The following NAXE variants were observed in gnomAD, a reference collection of about 807,000 sequenced individuals.
NAXE encodes NAD(P)H-hydrate epimerase.
Under a neutral mutation model 31.2 loss-of-function variants are expected in NAXE, and 25 were observed. The ratio of observed to expected loss-of-function variants is 0.80; its 90% CI spans 0.58 to 1.12. NAXE has a LOEUF of 1.12. Among genes scored for constraint, NAXE ranks in the 50% most tolerant of loss-of-function variants. NAXE has a pLI of 0.00. For synonymous variants in NAXE, 144 were observed against 154.5 expected, an observed-to-expected ratio of 0.93 and a Z score of 0.50; for missense variants, 362 against 376.1, an observed-to-expected ratio of 0.96 and a Z score of 0.31.
chr1:156,593,299 C>T (rs1677393759), intron 4 of NAXE, 109 bp from the exon 5 acceptor site: 1 of 1,413,562 alleles, frequency 7.1e-7, no homozygotes, highest in Non-Finnish European at 9.5e-7. Flanking sequence ...GAATGAGACA[C>T]AATACTTGTG....
rs753090512 is a variant in NAXE, at chr1:156,591,811, A to G, written c.7A>G (p.Arg3Gly). The change falls in exon 1 of 6, where the codon AGG (arginine) becomes GGG (glycine). Residue 3 changes from arginine (R) to glycine (G), a missense_variant. Transcript: ENST00000368235. MS[R>G]LRALLGLGLL... ...CGCGCGCTCTGCGAGCTGGATGTCC[A>G]GGCTGCGGGCGCTGCTGGGCCTCGG... 6.3e-7 allele frequency: 1 copy of G among 1,593,412 alleles called. No homozygotes were observed. The highest frequency in any genetic ancestry group is 1.1e-5 in the South Asian group (1 of 90,198).
At position 156,594,055 on chromosome 1, in the gene NAXE, G is replaced by C; in HGVS notation, c.838G>C (p.Asp280His). 1 of 1,614,112 alleles carries C rather than the reference G, an allele frequency of 6.2e-7. No homozygotes were observed. The highest frequency in any genetic ancestry group is 8.5e-7 in the Non-Finnish European group (1 of 1,179,982). The change falls in exon 6 of 6, where the codon GAC (aspartate) becomes CAC (histidine). Residue 280 changes from aspartate (D) to histidine (H), a missense_variant. Transcript: ENST00000368235. ...CCAGCTGAACCTGCCACCCTACCCTGACACCGAGTGTGTCTATCGTCTGCA... is the reference window on the plus strand; with the variant it reads ...CCAGCTGAACCTGCCACCCTACCCTCACACCGAGTGTGTCTATCGTCTGCA... Reference protein sequence around the residue: ...KYQLNLPPYPDTECVYRLQ With the variant: ...KYQLNLPPYPHTECVYRLQ
Position 156,593,954 on chromosome 1 carries a change from A to C in NAXE, c.737A>C (p.Lys246Thr). The change falls in exon 6 of 6, where the codon AAA becomes ACA. Residue 246 changes from lysine (K) to threonine (T), a missense_variant. Physicochemically the swap from Lys to Thr is moderately conservative, Grantham distance 78 (BLOSUM62 -1). Coordinates refer to ENST00000368235, the MANE Select transcript of NAXE (RefSeq NM_144772.3). ...CTCATATCCCTCACAGCCCCCAAAA[A>C]ATCTGCAACCCAGTTTACCGGTCGC... ...DLLISLTAPK[K>T]SATQFTGRYH... 2 of 1,614,118 alleles carry C rather than the reference A, an allele frequency of 1.2e-6. No homozygotes were observed. The highest frequency in any genetic ancestry group is 1.7e-6 in the Non-Finnish European group (2 of 1,180,020).
In NAXE at chr1:156,593,908, G is replaced by A. The variant is rs770170237; in HGVS notation, c.691G>A (p.Gly231Arg). The A allele has an allele frequency of 6.2e-7, 1 of 1,614,138 alleles. No individual in the cohort carries two copies. Among genetic ancestry groups the A allele is most frequent in the East Asian group, 2.2e-5 (1 of 44,884 alleles). Residue 231 changes from glycine (G) to arginine (R), a missense_variant, in exon 6 of 6, where the codon GGA (glycine) becomes AGA (arginine). By Grantham distance (125) the Gly-to-Arg change is moderately radical. Transcript: ENST00000368235. The stretch of plus-strand genomic sequence containing the variant: ...ATGGGACGTGGAGAAGGGAAATGCT[G>A]GAGGGATCCAGCCAGACTTGCTCAT... ...SGWDVEKGNA[G>R]GIQPDLLISL...
In NAXE at chr1:156,591,815, T is replaced by C. The variant is rs1323726125; in HGVS notation, c.11T>C (p.Leu4Pro). 1 of 1,598,464 alleles carries C rather than the reference T, an allele frequency of 6.3e-7. No individual in the cohort carries two copies. Among genetic ancestry groups the C allele is most frequent in the African/African-American group, 1.3e-5 (1 of 74,100 alleles). ...CGCTCTGCGAGCTGGATGTCCAGGC[T>C]GCGGGCGCTGCTGGGCCTCGGGCTG... Reference protein sequence around the residue: MSRLRALLGLGLLV... With the variant: MSRPRALLGLGLLV... Residue 4 changes from leucine (L) to proline (P), a missense_variant, in exon 1 of 6, where the codon CTG becomes CCG. Transcript: ENST00000368235.
At chr1:156,592,295 G>A in intron 2 of NAXE, 70 bp from the exon 3 acceptor site, 1 of 1,602,280 alleles carries the variant, frequency 6.2e-7, no homozygotes, top group Non-Finnish European at 8.5e-7. Context: ...AGGGGTGGGA[G>A]AGACAGCTGG....
In NAXE at chr1:156,592,134, A is replaced by T. The variant is rs753746153; in HGVS notation, c.216A>T (p.Leu72=). 1.2e-6 allele frequency: 2 copies of T among 1,614,090 alleles called. No homozygotes were observed. Among genetic ancestry groups the T allele is most frequent in the Non-Finnish European group, 1.7e-6 (2 of 1,180,036 alleles). ...AGGCCCAGGCCGTGGACCAGGAGCTATTTAACGAATACCAGTTCAGCGTGG... is the reference window on the plus strand; with the variant it reads ...AGGCCCAGGCCGTGGACCAGGAGCTTTTTAACGAATACCAGTTCAGCGTGG... ...QEEAQAVDQE[L]FNEYQFSVDQ... The change falls in exon 2 of 6, where the codon CTA becomes CTT. Residue 72 remains leucine (L), a synonymous_variant. Transcript: ENST00000368235.
Position 156,591,837 on chromosome 1 carries a change from G to T in NAXE, c.33G>T (p.Gly11=). 1 of 1,608,740 alleles carries T rather than the reference G, an allele frequency of 6.2e-7. No individual in the cohort carries two copies. The part of the protein sequence containing the change: MSRLRALLGL[G]LLVAGSRVPR... ...GGCTGCGGGCGCTGCTGGGCCTCGG[G>T]CTGCTGGTTGCGGGCTCGCGCGTGC... Residue 11 remains glycine (G), a synonymous_variant, in exon 1 of 6, where the codon GGG becomes GGT. Coordinates refer to ENST00000368235, the MANE Select transcript of NAXE (RefSeq NM_144772.3).
chr1:156,593,028 T>C (rs1677380540), intron 4 of NAXE: 2 of 380,706 alleles, frequency 5.3e-6, no homozygotes, highest in Non-Finnish European at 9.5e-6. Flanking sequence ...GGATGGGAAA[T>C]TGGGTAATTT....
At chr1:156,593,364 T>G (rs1677395524) in intron 4 of NAXE, 44 bp from the exon 5 acceptor site, 5 of 1,590,028 alleles carry the variant, frequency 3.1e-6, no homozygotes, top group Non-Finnish European at 4.3e-6. Flanking sequence ...TAAGGCTGTT[T>G]GTGCAGCTGC....
chr1:156,591,973 G>A lies in NAXE; in HGVS notation c.169G>A (p.Val57Met), dbSNP rs1375673041. 1 of 1,613,344 alleles carries A rather than the reference G, an allele frequency of 6.2e-7. No individual in the cohort carries two copies. The highest frequency in any genetic ancestry group is 8.5e-7 in the Non-Finnish European group (1 of 1,179,766). ...WDSEVMASTV[V>M]KYLSQEEAQA... Reference sequence around the variant, plus strand: ...CTCAGAGGTCATGGCGAGCACGGTGGTGAAGTACCTGAGGTAGGCACGGGT... The same window carrying A: ...CTCAGAGGTCATGGCGAGCACGGTGATGAAGTACCTGAGGTAGGCACGGGT... The change falls in exon 1 of 6, where the codon GTG becomes ATG. Residue 57 changes from valine (V) to methionine (M), a missense_variant. Coordinates refer to ENST00000368235, the MANE Select transcript of NAXE (RefSeq NM_144772.3).
At chr1:156,593,322 G>A (rs999555021) in intron 4 of NAXE, 86 bp from the exon 5 acceptor site, 47 of 1,501,868 alleles carry the variant, frequency 3.1e-5, no homozygotes, top group Non-Finnish European at 4.1e-5. Context: ...TCTGAGAATG[G>A]TCTGCAGGTG....
At position 156,592,656 on chromosome 1, in the gene NAXE, G is replaced by A; in HGVS notation, c.502G>A (p.Glu168Lys). The A allele has an allele frequency of 6.2e-7, 1 of 1,613,818 alleles. No individual in the cohort carries two copies. Among genetic ancestry groups the A allele is most frequent in the Non-Finnish European group, 8.5e-7 (1 of 1,179,762 alleles). ...GAAAATGGACATCCCTTTCCTTGGG[G>A]AAATGCCCGCAGAGGTAGGTGGCTC... ...CQKMDIPFLG[E>K]MPAEPMTIDE... is the part of the protein sequence containing the mutation. Residue 168 changes from glutamate to lysine, a missense_variant, in exon 4 of 6, where the codon GAA becomes AAA. Transcript: ENST00000368235.
In NAXE at chr1:156,594,253, G is replaced by A. The variant is rs777302721; in HGVS notation, c.*169G>A. 36 of 646,416 alleles carry A rather than the reference G, an allele frequency of 5.6e-5. No homozygotes were observed. The highest frequency in any genetic ancestry group is 5.0e-5 in the Non-Finnish European group (19 of 378,072). 40.0% of individuals were successfully genotyped at this position (646,416 alleles called of 1,614,324 possible). On this transcript the variant is annotated 3_prime_UTR_variant, in exon 6 of 6. Transcript: ENST00000368235. ...CTAGGGGTAACACAAAGGGCAAGAG[G>A]TTGCTATGGTATTTGGAAACAATGA...
chr1:156,593,586 G>A, intron 5 of NAXE, 31 bp downstream of exon 5: 1 of 1,613,662 alleles, frequency 6.2e-7, no homozygotes, highest in African/African-American at 1.3e-5. Context: ...GGGTGGGGGA[G>A]ATTGGGGCCC....
intron 2 of NAXE, 25 bp from the exon 3 acceptor site, chr1:156,592,340 G>A: frequency 6.2e-7 from 1 of 1,611,988 alleles, no homozygotes; most frequent in Non-Finnish European, 8.5e-7. Flanking sequence ...AAACCCCGCC[G>A]AACCACCCTT....
intron 4 of NAXE, chr1:156,592,983 T>A (rs1677379545): frequency 7.1e-6 from 3 of 422,856 alleles, no homozygotes; most frequent in East Asian, 8.6e-5. Flanking sequence ...GTGGCTGCCC[T>A]ATCTGAAACC....
Position 156,594,158 on chromosome 1 carries a change from C to T in NAXE, c.*74C>T. On this transcript the variant is annotated 3_prime_UTR_variant, in exon 6 of 6. Transcript: ENST00000368235. ...TTCCAGAACTGTGGATTCCTGGGAG[C>T]TCCTCTGGCAATAAAAGTCAGTGAA... 2 of 1,497,674 alleles carry T rather than the reference C, an allele frequency of 1.3e-6. No individual in the cohort carries two copies. The highest frequency in any genetic ancestry group is 1.8e-6 in the Non-Finnish European group (2 of 1,086,744). 92.8% of individuals were successfully genotyped at this position (1,497,674 alleles called of 1,614,324 possible).
chr1:156,591,993 ACGGGTCTCGGGTGGCCTGCTCTGCCC>A lies in NAXE; in HGVS notation c.182+12_182+37del. 1 of 1,613,314 alleles carries A rather than the reference ACGGGTCTCGGGTGGCCTGCTCTGCCC, an allele frequency of 6.2e-7. No individual in the cohort carries two copies. Among genetic ancestry groups the A allele is most frequent in the Non-Finnish European group, 8.5e-7 (1 of 1,179,738 alleles). On this transcript the variant is annotated splice_region_variant and intron_variant, in intron 1 of 5. Transcript: ENST00000368235. ...CGGTGGTGAAGTACCTGAGGTAGGCACGGGTCTCGGGTGGCCTGCTCTGCCCCGGGGCGGGGCCTGGGACGGCCGGG... is the reference window on the plus strand; with the variant it reads ...CGGTGGTGAAGTACCTGAGGTAGGCACGGGGCGGGGCCTGGGACGGCCGGG...
Sources: allele counts gnomAD v4.1 joint callset, GRCh38; gene constraint gnomAD v4.1.1; transcripts MANE v1.5; gene names NCBI Gene and HGNC (gene_info 2026-07-23, HGNC 2026-07-21).